ZCCHC7: variants seen among roughly 807,000 people sequenced by gnomAD.
ZCCHC7 encodes the protein zinc finger CCHC domain-containing protein 7.
Under a neutral mutation model 52.0 loss-of-function variants are expected in ZCCHC7, and 35 were observed. That is an observed-to-expected ratio of 0.67 (90% CI 0.51 to 0.89). ZCCHC7 has a LOEUF of 0.89. Ranked by LOEUF, ZCCHC7 falls within the 40% of genes least tolerant of loss-of-function variation. The probability of loss-of-function intolerance (pLI) is 0.00; values close to 1 mark genes in which losing one functional copy is unlikely to be tolerated. For synonymous variants in ZCCHC7, 217 were observed against 221.5 expected (o/e 0.98, Z 0.18); for missense variants, 574 against 649.1 (o/e 0.88, Z 1.26).
intron 2 of ZCCHC7, among the ~76,000 whole-genome samples, chr9:37,295,127 C>T (rs1828725826): frequency 6.6e-6 from 1 of 152,160 alleles, no homozygotes; most frequent in African/African-American, 2.4e-5. Flanking sequence ...TGAAGGGGTA[C>T]CAGATAAGAC....
At chr9:37,233,198 A>G (rs1446740470) in intron 2 of ZCCHC7, among the ~76,000 whole-genome samples, 3 of 152,180 alleles carry the variant, frequency 2.0e-5, no homozygotes, top group Non-Finnish European at 4.4e-5. Flanking sequence ...AATAAGCCAT[A>G]CCCACCAGAC....
chr9:37,213,179 AT>A (rs1485029457), intron 2 of ZCCHC7, among the ~76,000 whole-genome samples: 1 of 152,198 alleles, frequency 6.6e-6, no homozygotes, highest in Admixed American at 6.5e-5. Context: ...ATAACCACAA[AT>A]TATTTGAGCT....
chr9:37,137,412 A>G (rs1843042725), intron 2 of ZCCHC7, among the ~76,000 whole-genome samples: 1 of 152,176 alleles, frequency 6.6e-6, no homozygotes. Flanking sequence ...GAAACTGAAG[A>G]CTGTATGTGC....
intron 6 of ZCCHC7, among the ~76,000 whole-genome samples, chr9:37,331,655 G>A (rs1830454935): frequency 6.6e-6 from 1 of 151,610 alleles, no homozygotes; most frequent in Non-Finnish European, 1.5e-5. Context: ...ATGCTAATAT[G>A]GAATGTTTTT....
intron 2 of ZCCHC7, among the ~76,000 whole-genome samples, chr9:37,242,777 A>G (rs553273922): frequency 6.6e-6 from 1 of 151,960 alleles, no homozygotes; most frequent in East Asian, 1.9e-4. Context: ...TTACATTTAC[A>G]TATTTTATCT....
At chr9:37,355,139 AT>A (rs1031314890) in intron 8 of ZCCHC7, among the ~76,000 whole-genome samples, 1 of 151,280 alleles carries the variant, frequency 6.6e-6, no homozygotes. Context: ...ACAGGTAATT[AT>A]TTTTTTTTCC....
chr9:37,322,680 G>A (rs959375754), intron 5 of ZCCHC7, among the ~76,000 whole-genome samples: 1 of 148,784 alleles, frequency 6.7e-6, no homozygotes, highest in Non-Finnish European at 1.5e-5. Context: ...GCTTATTGAT[G>A]TTTCTGAATT....
chr9:37,122,022 A>G (rs1275692736), intron 1 of ZCCHC7, among the ~76,000 whole-genome samples: 6 of 152,240 alleles, frequency 3.9e-5, no homozygotes, highest in African/African-American at 9.6e-5. Context: ...AGTAAAGTGT[A>G]TTCATCACAT....
At chr9:37,186,694 ATT>A in intron 2 of ZCCHC7, 17 of 581,528 alleles carry the variant, frequency 2.9e-5, no homozygotes, top group South Asian at 1.3e-4. Context: ...AGATTCAAAT[ATT>A]TTTTTTTCCT....
chr9:37,153,523 A>G (rs1197834665), intron 2 of ZCCHC7, among the ~76,000 whole-genome samples: 2 of 151,976 alleles, frequency 1.3e-5, no homozygotes, highest in Non-Finnish European at 1.5e-5. Context: ...TCTGTTTCCC[A>G]GGCTGGTCTC....
At chr9:37,298,105 G>A (rs1434887796) in intron 2 of ZCCHC7, among the ~76,000 whole-genome samples, 1 of 152,194 alleles carries the variant, frequency 6.6e-6, no homozygotes, top group East Asian at 1.9e-4. Flanking sequence ...ATAATGGACA[G>A]GGTTGCTTTG....
intron 2 of ZCCHC7, among the ~76,000 whole-genome samples, chr9:37,143,259 G>A (rs905745380): frequency 6.6e-6 from 1 of 151,688 alleles, no homozygotes; most frequent in South Asian, 2.1e-4. Flanking sequence ...AACCTGTATG[G>A]TAACTATTGA....
Position 37,269,639 on chromosome 9 carries a change from A to C in ZCCHC7, c.611-32549A>C, listed in dbSNP as rs980950158. Among the ~76,000 whole-genome samples the C allele has an allele frequency of 5.5e-5, 8 of 146,470 alleles. No individual in the cohort carries two copies. The East Asian group carries it at 7.7e-4, about 14-fold the overall frequency. ...GTCTCAAAAAAAAAAAAAAAAAAAA[A>C]AAAAAAACAAAAGAAGTTCTAGGCA... On this transcript the variant is annotated intron_variant, in intron 2 of 8. Coordinates refer to ENST00000336755, the MANE Select transcript of ZCCHC7 (RefSeq NM_032226.3).
intron 2 of ZCCHC7, among the ~76,000 whole-genome samples, chr9:37,287,847 T>A (rs1411624463): frequency 6.6e-6 from 1 of 152,126 alleles, no homozygotes; most frequent in African/African-American, 2.4e-5. Context: ...TTTTTACAGC[T>A]TTTTTGCTCC....
chr9:37,138,271 G>A (rs544708592), intron 2 of ZCCHC7, among the ~76,000 whole-genome samples: 3 of 152,222 alleles, frequency 2.0e-5, no homozygotes, highest in East Asian at 3.8e-4. Context: ...TGAATGGAGC[G>A]AGGTTTGAAG....
intron 2 of ZCCHC7, among the ~76,000 whole-genome samples, chr9:37,134,455 T>A (rs1842918227): frequency 6.6e-6 from 1 of 152,246 alleles, no homozygotes; most frequent in African/African-American, 2.4e-5. Flanking sequence ...TTCATTTGTT[T>A]CACTTTGCTT....
At chr9:37,209,104 G>A (rs960850278) in intron 2 of ZCCHC7, among the ~76,000 whole-genome samples, 27 of 151,518 alleles carry the variant, frequency 1.8e-4, no homozygotes, top group African/African-American at 5.1e-4. Flanking sequence ...GTAGTGGTGC[G>A]ACCTCAGCTC....
At chr9:37,321,779 AAAAAT>A (rs774497568) in intron 5 of ZCCHC7, among the ~76,000 whole-genome samples, 4 of 152,132 alleles carry the variant, frequency 2.6e-5, no homozygotes, top group African/African-American at 9.7e-5. Flanking sequence ...ATAAATAAAT[AAAAAT>A]AAAATAAAAT....
chr9:37,199,503 T>C (rs1823484636), intron 2 of ZCCHC7, among the ~76,000 whole-genome samples: 2 of 151,698 alleles, frequency 1.3e-5, no homozygotes, highest in African/African-American at 4.8e-5. Flanking sequence ...AGTTAATTTT[T>C]TGTAATTTTA....
Sources: allele counts gnomAD v4.1 joint callset (sites outside exome capture counted in the v4.1 genomes callset), GRCh38; gene constraint gnomAD v4.1.1; transcripts MANE v1.5; gene names NCBI Gene and HGNC (gene_info 2026-07-23, HGNC 2026-07-21).